PTCD1: variants seen among roughly 807,000 people sequenced by gnomAD.
PTCD1 encodes pentatricopeptide repeat-containing protein 1, mitochondrial.
A neutral mutation model predicts 53.4 loss-of-function variants in PTCD1; 50 were observed. The ratio of observed to expected loss-of-function variants is 0.94; its 90% CI spans 0.75 to 1.19. PTCD1 has a LOEUF of 1.19. Ranked by LOEUF, PTCD1 falls within the 50% of genes most tolerant of loss-of-function variation. PTCD1 has a pLI of 0.00. For missense variants in PTCD1, 918 were observed against 904.8 expected, an observed-to-expected ratio of 1.01 and a Z score of -0.19; for synonymous variants, 413 against 394.8, an observed-to-expected ratio of 1.05 and a Z score of -0.55.
At chr7:99,420,926 G>A (rs1022984066) in intron 7 of PTCD1, among the ~76,000 whole-genome samples, 4 of 150,748 alleles carry the variant, frequency 2.7e-5, no homozygotes, top group Non-Finnish European at 3.0e-5. Flanking sequence ...CAGCCTGGGC[G>A]ACAGAGCAAG....
chr7:99,423,991 T>C (rs778333282), intron 6 of PTCD1, 34 bp from the exon 7 acceptor site: 13 of 1,606,174 alleles, frequency 8.1e-6, no homozygotes, highest in South Asian at 6.6e-5. Flanking sequence ...ATCAAGATGA[T>C]GGCAGCCATT....
chr7:99,423,358 C>T (rs1205515609), intron 7 of PTCD1, among the ~76,000 whole-genome samples: 1 of 152,122 alleles, frequency 6.6e-6, no homozygotes, highest in Non-Finnish European at 1.5e-5. Context: ...TAGGACACGG[C>T]ATAAAGGAAC....
At chr7:99,426,114 T>C (rs1023098700) in intron 5 of PTCD1, among the ~76,000 whole-genome samples, 11 of 149,218 alleles carry the variant, frequency 7.4e-5, no homozygotes, top group African/African-American at 2.7e-4. Flanking sequence ...CCTCTCCCTC[T>C]CCCTCTCCCC....
At chr7:99,434,518 T>A (rs1374135495) in intron 2 of PTCD1, among the ~76,000 whole-genome samples, 4 of 151,062 alleles carry the variant, frequency 2.6e-5, no homozygotes, top group Non-Finnish European at 5.9e-5. Flanking sequence ...TTTTTTTTTT[T>A]TTGAGACAGA....
At chr7:99,422,153 CACAG>C (rs771266000) in intron 7 of PTCD1, among the ~76,000 whole-genome samples, 23 of 152,248 alleles carry the variant, frequency 1.5e-4, no homozygotes, top group Admixed American at 8.5e-4. Context: ...CAGTTCAAAG[CACAG>C]ACACAGTTCA....
rs1796330239 is a variant in PTCD1, at chr7:99,433,182, T to C, written c.594+96A>G. 12 of 1,591,774 alleles carry C rather than the reference T, an allele frequency of 7.5e-6. No individual in the cohort carries two copies. The South Asian group carries it at 1.3e-4, about 18-fold the overall frequency. On this transcript the variant is annotated intron_variant, in intron 3 of 7. Transcript: ENST00000292478. ...TGACTCTGAGGCCAGGGAGGTGAAG[T>C]CACCTGCCCAGTGTAAAGCACTAGC... is the stretch of plus-strand genomic sequence containing the variant.
At position 99,429,199 on chromosome 7, in the gene PTCD1, G is replaced by C; in HGVS notation, c.819C>G (p.Ile273Met). 2 of 1,614,142 alleles carry C rather than the reference G, an allele frequency of 1.2e-6. No homozygotes were observed. Among genetic ancestry groups the C allele is most frequent in the South Asian group, 2.2e-5 (2 of 91,078 alleles). ...CTGTGACCACGTGCCCTTTGTGGAT[G>C]ATTTCCTGGGGGAGGGAACAAAGAC... ...LRMCLDVFKE[I>M]IHKGHVVTEE... The change falls in exon 5 of 8, where the codon ATC becomes ATG. Residue 273 changes from isoleucine to methionine, a missense_variant. Ile to Met is a conservative substitution (Grantham distance 10, BLOSUM62 1). Transcript: ENST00000292478.
At chr7:99,434,651 ATACT>A (rs1173366365) in intron 2 of PTCD1, 135 bp downstream of exon 2, 1 of 1,073,566 alleles carries the variant, frequency 9.3e-7, no homozygotes, top group Non-Finnish European at 1.4e-6. Context: ...AAGGGTTGCG[ATACT>A]TACAGCCATA....
chr7:99,419,331 T>G lies in PTCD1; in HGVS notation c.*636A>C. On this transcript the variant is annotated 3_prime_UTR_variant, in exon 8 of 8. Transcript: ENST00000292478. Reference sequence around the variant, plus strand: ...CTTCGTGGGAGGGTTGCCACATATGTGAGTGTGCAGGGGCGAGCGTGGCGC... The same window carrying G: ...CTTCGTGGGAGGGTTGCCACATATGGGAGTGTGCAGGGGCGAGCGTGGCGC... The G allele has an allele frequency of 6.3e-7, 1 of 1,592,832 alleles. No homozygotes were observed. The highest frequency in any genetic ancestry group is 8.6e-7 in the Non-Finnish European group (1 of 1,164,252).
rs1796607377 is a variant in PTCD1, at chr7:99,438,731, G to A, written c.-66C>T. On this transcript the variant is annotated 5_prime_UTR_variant, in exon 1 of 8. Transcript: ENST00000292478. ...GCAGTGCACTCCGACGGGGAGCCCTGCCCGGTCCCCGCGGCGAACCAGTCT... is the reference window on the plus strand; with the variant it reads ...GCAGTGCACTCCGACGGGGAGCCCTACCCGGTCCCCGCGGCGAACCAGTCT... The A allele has an allele frequency of 7.6e-7, 1 of 1,307,232 alleles. No homozygotes were observed. 81.0% of individuals were successfully genotyped at this position (1,307,232 alleles called of 1,614,324 possible).
At chr7:99,437,549 C>T (rs775590671) in intron 1 of PTCD1, among the ~76,000 whole-genome samples, 25 of 152,110 alleles carry the variant, frequency 1.6e-4, no homozygotes, top group Non-Finnish European at 3.1e-4. Flanking sequence ...GTGATCCGCC[C>T]GCCTCGGCCT....
intron 7 of PTCD1, among the ~76,000 whole-genome samples, 172 bp downstream of exon 7, chr7:99,423,603 C>A (rs1207846401): frequency 7.9e-5 from 12 of 152,084 alleles, no homozygotes; most frequent in African/African-American, 7.2e-5. Context: ...GCCACGCAGA[C>A]AGGGACTCGC....
At chr7:99,432,259 G>A (rs1796286705) in intron 3 of PTCD1, among the ~76,000 whole-genome samples, 1 of 152,176 alleles carries the variant, frequency 6.6e-6, no homozygotes, top group African/African-American at 2.4e-5. Context: ...GAAGGCATCT[G>A]TCTCCTGCTC....
chr7:99,432,758 TG>T (rs767910191), intron 3 of PTCD1, among the ~76,000 whole-genome samples: 1 of 152,316 alleles, frequency 6.6e-6, no homozygotes, highest in Non-Finnish European at 1.5e-5. Context: ...GTGGAGGGGC[TG>T]GCCCCCTTCA....
At position 99,417,552 on chromosome 7, in the gene PTCD1, G is replaced by A. The variant is rs1795570909; in HGVS notation, c.*2415C>T. On this transcript the variant is annotated 3_prime_UTR_variant, in exon 8 of 8. Transcript: ENST00000292478. ...ATTCAGACACGGGACACCAACTTCG[G>A]GACGAACTGCATCTGCCGCGTGCCC... 6.2e-7 allele frequency: 1 copy of A among 1,612,230 alleles called. No homozygotes were observed. The highest frequency in any genetic ancestry group is 1.3e-5 in the African/African-American group (1 of 74,906).
At position 99,417,296 on chromosome 7, in the gene PTCD1, G is replaced by T. The variant is rs1234244787; in HGVS notation, c.*2671C>A. On this transcript the variant is annotated 3_prime_UTR_variant, in exon 8 of 8. Coordinates refer to ENST00000292478, the MANE Select transcript of PTCD1 (RefSeq NM_015545.4). ...CTGAACTCCTGACCTCAGGTGATCCGCCTGCCTCGGCCTCCCAAAGTGCTG... is the reference window on the plus strand; with the variant it reads ...CTGAACTCCTGACCTCAGGTGATCCTCCTGCCTCGGCCTCCCAAAGTGCTG... 11 of 829,140 alleles carry T rather than the reference G, an allele frequency of 1.3e-5. No individual in the cohort carries two copies. The highest frequency in any genetic ancestry group is 4.5e-5 in the Admixed American group (2 of 44,490). The allele number at this position is 829,140 out of a possible 1,614,324, so 51.4% of individuals were successfully genotyped here.
At chr7:99,428,171 G>A (rs1334586423) in intron 5 of PTCD1, among the ~76,000 whole-genome samples, 1 of 151,858 alleles carries the variant, frequency 6.6e-6, no homozygotes, top group Admixed American at 6.6e-5. Context: ...GGAGAGCAAG[G>A]CGCCGGATCA....
intron 5 of PTCD1, among the ~76,000 whole-genome samples, chr7:99,428,275 C>G (rs1299504817): frequency 6.6e-6 from 1 of 151,396 alleles, no homozygotes; most frequent in Admixed American, 6.6e-5. Context: ...TGGTGGTGGG[C>G]GCCTATAGTC....
rs952604790 is a variant in PTCD1 at position 99,427,976 on chromosome 7, G to A, written c.915+1127C>T. Among the ~76,000 whole-genome samples, 23 of 150,402 alleles carry A rather than the reference G, an allele frequency of 1.5e-4. No homozygotes were observed. In the East Asian group the frequency reaches 2.3e-3, roughly 15 times the overall value. ...AGGGGCACAAACACTGCAGAAGGCC[G>A]CAGGGTCGTCTGCCTAGGAAAACCA... On this transcript the variant is annotated intron_variant, in intron 5 of 7. Transcript: ENST00000292478.
Sources: gnomAD v4.1 joint callset for allele counts (sites outside exome capture counted in the v4.1 genomes callset) on GRCh38, gnomAD v4.1.1 for gene constraint, MANE v1.5 for transcripts, NCBI Gene and HGNC (gene_info 2026-07-23, HGNC 2026-07-21) for gene names.